The following F5 variants were observed in gnomAD, a reference collection of about 807,000 sequenced individuals.
The protein encoded by F5 is coagulation factor V, also known as activated protein c cofactor.
F5 carries 138 observed loss-of-function variants against 216.4 expected under a neutral mutation model. The observed-to-expected ratio is 0.64, with a 90% CI of 0.56 to 0.73. The LOEUF is 0.73. Among genes scored for constraint, F5 ranks in the 30% least tolerant of loss-of-function variants. The pLI is 0.00. For synonymous variants in F5, 916 were observed against 930.7 expected (o/e 0.98, Z 0.29); for missense variants, 2,403 against 2,674.0 (o/e 0.90, Z 2.24).
At chr1:169,529,573 A>T (rs1659540407) in intron 16 of F5, 35 bp downstream of exon 16, 1 of 1,562,746 alleles carries the variant, frequency 6.4e-7, no homozygotes, top group Non-Finnish European at 8.8e-7. Context: ...AGTGTGATTT[A>T]ATTAGGAGAT....
intron 7 of F5, among the ~76,000 whole-genome samples, chr1:169,554,417 T>C (rs1660262092): frequency 6.6e-6 from 1 of 152,238 alleles, no homozygotes; most frequent in Non-Finnish European, 1.5e-5. Context: ...TATTCCATTG[T>C]ATGAATGTAT....
rs1439221179 is a variant in F5 at position 169,541,878 on chromosome 1, T to C, written c.3212A>G (p.His1071Arg). ...GGGAAGAGATGTTTCATTGGATTTA[T>C]GAAGCACCAACGAATGCTTAAGTCT... ...ERRLKHSLVL[H>R]KSNETSLPTD... is the part of the protein sequence containing the mutation. The change falls in exon 13 of 25, where the codon CAT (histidine) becomes CGT (arginine). Residue 1071 changes from histidine (H) to arginine (R), a missense_variant. This residue lies in a region of F5 where 1,425 missense variants were observed against 1,554.8 expected (regional missense o/e 0.92). Transcript: ENST00000367797. The C allele has an allele frequency of 6.2e-7, 1 of 1,614,196 alleles. No homozygotes were observed. Among genetic ancestry groups the C allele is most frequent in the East Asian group, 2.2e-5 (1 of 44,890 alleles).
chr1:169,536,654 T>C lies in F5; in HGVS notation c.4823A>G (p.Asp1608Gly). 4 of 1,612,438 alleles carry C rather than the reference T, an allele frequency of 2.5e-6. No individual in the cohort carries two copies. The highest frequency in any genetic ancestry group is 3.4e-6 in the Non-Finnish European group (4 of 1,178,586). The change falls in exon 14 of 25, where the codon GAT becomes GGT. Residue 1608 changes from aspartate to glycine, a missense_variant. Asp to Gly is a moderately conservative substitution (Grantham distance 94, BLOSUM62 -1). Transcript: ENST00000367797. ...CTTATATGTGGTATCTTCTGGAATA[T>C]CATCAGAGTCTTCAATATCTGTTTC... ...QRETDIEDSD[D>G]IPEDTTYKKV... is the part of the protein sequence containing the mutation.
rs1659275397 is a variant in F5 at position 169,520,554 on chromosome 1, G to A, written c.6159C>T (p.Thr2053=). 2 of 1,613,834 alleles carry A rather than the reference G, an allele frequency of 1.2e-6. No homozygotes were observed. The highest frequency in any genetic ancestry group is 1.7e-5 in the Admixed American group (1 of 59,984). ...ISPTRAYNRP[T]LRLELQGCEV... Reference sequence around the variant, plus strand: ...CACAACCTTGCAGTTCCAATCGAAGGGTAGGTCTGTTATAGGCTCGAGTTG... The same window carrying A: ...CACAACCTTGCAGTTCCAATCGAAGAGTAGGTCTGTTATAGGCTCGAGTTG... The change falls in exon 22 of 25, where the codon ACC becomes ACT. Residue 2053 remains threonine, a synonymous_variant. Transcript: ENST00000367797.
At chr1:169,520,887 A>G (rs1164455559) in intron 21 of F5, among the ~76,000 whole-genome samples, 2 of 152,170 alleles carry the variant, frequency 1.3e-5, no homozygotes, top group African/African-American at 2.4e-5. Context: ...AACTTTGGAC[A>G]TTATAGCTCA....
At chr1:169,516,978 G>A (rs552177444) in intron 23 of F5, among the ~76,000 whole-genome samples, 16 of 152,144 alleles carry the variant, frequency 1.1e-4, no homozygotes, top group African/African-American at 3.6e-4. Flanking sequence ...GAGTGACAAG[G>A]TTATACCATG....
At chr1:169,564,668 A>G (rs1477219265) in intron 3 of F5, among the ~76,000 whole-genome samples, 1 of 152,068 alleles carries the variant, frequency 6.6e-6, no homozygotes. Flanking sequence ...ATATTTTTTT[A>G]CATTACAGCA....
chr1:169,520,131 G>A (rs1381305914), intron 22 of F5, among the ~76,000 whole-genome samples: 1 of 152,224 alleles, frequency 6.6e-6, no homozygotes, highest in Non-Finnish European at 1.5e-5. Flanking sequence ...ATATATGGCA[G>A]TGATGTTGCC....
At position 169,515,553 on chromosome 1, in the gene F5, C is replaced by T. The variant is rs1428657156; in HGVS notation, c.6419G>A (p.Gly2140Asp). 2 of 1,613,526 alleles carry T rather than the reference C, an allele frequency of 1.2e-6. No homozygotes were observed. Among genetic ancestry groups the T allele is most frequent in the South Asian group, 1.1e-5 (1 of 91,064 alleles). ...CATTTCAGAGGACAGAGACTTGCAG[C>T]CCTGTGTTATAATTGCCGTTATCTT... ...IKKITAIITQ[G>D]CKSLSSEMYV... is the part of the protein sequence containing the mutation. Residue 2140 changes from glycine (G) to aspartate (D), a missense_variant, in exon 24 of 25, where the codon GGC becomes GAC. Coordinates refer to ENST00000367797, the MANE Select transcript of F5 (RefSeq NM_000130.5).
At chr1:169,554,108 A>G (rs7555832) in intron 7 of F5, among the ~76,000 whole-genome samples, 4,691 of 87,496 alleles carry the variant, frequency 0.054, 165 homozygotes, top group African/African-American at 0.13. Flanking sequence ...ATACATTCAC[A>G]TAATTTTTAT....
chr1:169,544,447 G>T lies in F5; in HGVS notation c.1824C>A (p.Val608=), dbSNP rs1480256265. The T allele has an allele frequency of 1.2e-6, 2 of 1,614,022 alleles. No homozygotes were observed. The highest frequency in any genetic ancestry group is 1.7e-6 in the Non-Finnish European group (2 of 1,180,020). ...TTLGFCFDDT[V]QWHFCSVGTQ... Reference sequence around the variant, plus strand: ...TCCCCACACTACAGAAGTGCCACTGGACAGTGTCATCAAAGCAGAATCCAA... The same window carrying T: ...TCCCCACACTACAGAAGTGCCACTGTACAGTGTCATCAAAGCAGAATCCAA... The change falls in exon 12 of 25, where the codon GTC becomes GTA. Residue 608 remains valine (V), a synonymous_variant. Coordinates refer to ENST00000367797, the MANE Select transcript of F5 (RefSeq NM_000130.5).
At chr1:169,519,753 G>A (rs1659250411) in intron 22 of F5, among the ~76,000 whole-genome samples, 1 of 152,192 alleles carries the variant, frequency 6.6e-6, no homozygotes, top group African/African-American at 2.4e-5. Flanking sequence ...CAGCAGCCAA[G>A]TGGGGCCTGG....
rs372224504 is a variant in F5, at chr1:169,586,129, T to TA, written c.158+99dup. ...TTAGTTATATTTACTTACCTGAAGT[T>TA]AAAAAAAAAAAAAGCCATGACATTG... On this transcript the variant is annotated intron_variant, in intron 1 of 24. Transcript: ENST00000367797. 33,992 of 1,237,840 alleles carry TA rather than the reference T, an allele frequency of 0.027. 270 individuals carry two copies. Among genetic ancestry groups the TA allele is most frequent in the African/African-American group, 0.11 (6,666 of 63,336 alleles). The allele number at this position is 1,237,840 out of a possible 1,614,324, so 76.7% of individuals were successfully genotyped here.
intron 24 of F5, among the ~76,000 whole-genome samples, 159 bp downstream of exon 24, chr1:169,515,285 A>G (rs1659132268): frequency 6.6e-6 from 1 of 152,160 alleles, no homozygotes; most frequent in South Asian, 2.1e-4. Context: ...AAAACAGACA[A>G]CCAGGAGTTT....
intron 2 of F5, among the ~76,000 whole-genome samples, chr1:169,580,140 T>C (rs1571604263): frequency 6.6e-6 from 1 of 152,196 alleles, no homozygotes; most frequent in African/African-American, 2.4e-5. Flanking sequence ...CCTACTCTTT[T>C]TTCAGCTATC....
intron 2 of F5, among the ~76,000 whole-genome samples, chr1:169,580,630 T>C (rs1469943021): frequency 2.0e-5 from 3 of 152,104 alleles, no homozygotes. Flanking sequence ...GTGATCCATC[T>C]GCCTTGGCCT....
intron 3 of F5, among the ~76,000 whole-genome samples, chr1:169,563,855 C>A (rs1327503254): frequency 6.6e-6 from 1 of 151,646 alleles, no homozygotes; most frequent in Non-Finnish European, 1.5e-5. Context: ...CTTCTATTCT[C>A]TCTTTCACTT....
At chr1:169,569,100 T>A (rs1660669931) in intron 3 of F5, among the ~76,000 whole-genome samples, 1 of 152,096 alleles carries the variant, frequency 6.6e-6, no homozygotes, top group South Asian at 2.1e-4. Flanking sequence ...ATATACAAAC[T>A]ATAGCCGTTA....
At chr1:169,536,894 C>G (rs1659717392) in intron 13 of F5, among the ~76,000 whole-genome samples, 1 of 151,978 alleles carries the variant, frequency 6.6e-6, no homozygotes, top group South Asian at 2.1e-4. Context: ...GTAAGTCTTC[C>G]TATGACCTTT....
Sources: gnomAD v4.1 joint callset for allele counts (sites outside exome capture counted in the v4.1 genomes callset) on GRCh38, gnomAD v4.1.1 for gene constraint, gnomAD v4.1.1 regional missense constraint, MANE v1.5 for transcripts, NCBI Gene and HGNC (gene_info 2026-07-23, HGNC 2026-07-21) for gene names.